TICAM2: variants seen among roughly 807,000 people sequenced by gnomAD.
The protein encoded by TICAM2 is TIR domain containing adaptor molecule 2.
A neutral mutation model predicts 7.3 loss-of-function variants in TICAM2; 8 were observed. That is an observed-to-expected ratio of 1.10 (90% CI 0.65 to 1.99). The LOEUF (loss-of-function observed/expected upper bound fraction) is 1.99, where lower values mean the gene tolerates loss of function less well. Ranked by LOEUF, TICAM2 falls within the 30% of genes most tolerant of loss-of-function variation. TICAM2 has a pLI of 0.00. For missense variants in TICAM2, 304 were observed against 278.8 expected (o/e 1.09, Z -0.65); for synonymous variants, 113 against 99.6 (o/e 1.13, Z -0.80).
chr5:115,587,682 G>A (rs1026721727), intron 1 of TICAM2, among the ~76,000 whole-genome samples: 3 of 152,172 alleles, frequency 2.0e-5, no homozygotes, highest in African/African-American at 7.2e-5. Context: ...AATATAATCA[G>A]GATGGAGTGG....
Position 115,581,017 on chromosome 5 carries a change from T to C in TICAM2, c.240A>G (p.Lys80=), listed in dbSNP as rs537369804. 52 of 1,614,110 alleles carry C rather than the reference T, an allele frequency of 3.2e-5. No homozygotes were observed. The South Asian group carries it at 4.7e-4, about 15-fold the overall frequency. ...EEEAEEEVFL[K]FVILHAEDDT... ...CATCTTCTGCATGCAATATCACAAATTTGAGGAACACCTCTTCTTCAGCTT... is the reference window on the plus strand; with the variant it reads ...CATCTTCTGCATGCAATATCACAAACTTGAGGAACACCTCTTCTTCAGCTT... The change falls in exon 2 of 2, where the codon AAA becomes AAG. Residue 80 remains lysine (K), a synonymous_variant. Coordinates refer to ENST00000427199, the MANE Select transcript of TICAM2 (RefSeq NM_021649.7).
At chr5:115,587,152 TAA>T (rs1285649083) in intron 1 of TICAM2, among the ~76,000 whole-genome samples, 2 of 152,114 alleles carry the variant, frequency 1.3e-5, no homozygotes, top group African/African-American at 2.4e-5. Flanking sequence ...TAAAGTAGAT[TAA>T]AAGAGGTTCC....
intron 1 of TICAM2, among the ~76,000 whole-genome samples, chr5:115,590,156 T>C (rs1190506488): frequency 6.6e-6 from 1 of 152,120 alleles, no homozygotes; most frequent in Admixed American, 6.6e-5. Flanking sequence ...GAGACCAGCC[T>C]GGGCAACAAA....
chr5:115,579,186 T>C lies in TICAM2; in HGVS notation c.*1363A>G, dbSNP rs1458989214. 2 of 152,646 alleles carry C rather than the reference T, an allele frequency of 1.3e-5. No individual in the cohort carries two copies. Among genetic ancestry groups the C allele is most frequent in the Admixed American group, 6.5e-5 (1 of 15,278 alleles). 9.5% of individuals were successfully genotyped at this position (152,646 alleles called of 1,614,324 possible). On this transcript the variant is annotated 3_prime_UTR_variant, in exon 2 of 2. Coordinates refer to ENST00000427199, the MANE Select transcript of TICAM2 (RefSeq NM_021649.7). The stretch of plus-strand genomic sequence containing the variant: ...TGCTGTCAATATACAAAAAATATCT[T>C]TTCATTATAAGCATATATAAAGCCT...
chr5:115,593,820 A>G (rs1238560838), intron 1 of TICAM2, among the ~76,000 whole-genome samples: 1 of 152,226 alleles, frequency 6.6e-6, no homozygotes, highest in Non-Finnish European at 1.5e-5. Context: ...AATGTTAGAC[A>G]AATTGCTAAA....
chr5:115,596,085 G>C (rs1021564883), intron 1 of TICAM2, among the ~76,000 whole-genome samples: 4 of 152,076 alleles, frequency 2.6e-5, no homozygotes, highest in African/African-American at 7.2e-5. Context: ...GGGTATCCTT[G>C]ATACCTTCCT....
At chr5:115,594,787 A>C (rs1256803159) in intron 1 of TICAM2, among the ~76,000 whole-genome samples, 1 of 152,256 alleles carries the variant, frequency 6.6e-6, no homozygotes, top group East Asian at 1.9e-4. Context: ...ATCCTTTGGC[A>C]TTAAGAAGGC....
At chr5:115,581,376 ACTTT>A in intron 1 of TICAM2, 61 bp from the exon 2 acceptor site, 2 of 1,491,550 alleles carry the variant, frequency 1.3e-6, no homozygotes, top group Non-Finnish European at 1.8e-6. Flanking sequence ...AAAAATGGAA[ACTTT>A]CATTCAAACT....
rs149579601 is a variant in TICAM2, at chr5:115,581,058, C to A, written c.199G>T (p.Glu67Ter). ...GKQEGAQSVE[E>*]MFEEEAEEEV... ...TCTTCAGCTTCTTCTTCAAACATCT[C>A]TTCCACGCTCTGAGCTCCCTCCTGC... Residue 67 changes from glutamate to a stop codon, truncating the protein, a stop_gained, in exon 2 of 2, where the codon GAG becomes TAG. Transcript: ENST00000427199. LOFTEE classifies it high-confidence loss of function. 423 of 1,614,050 alleles carry A rather than the reference C, an allele frequency of 2.6e-4. No individual in the cohort carries two copies. Among genetic ancestry groups the A allele is most frequent in the Non-Finnish European group, 3.4e-4 (402 of 1,180,044 alleles).
intron 1 of TICAM2, among the ~76,000 whole-genome samples, chr5:115,595,888 A>G (rs1042077786): frequency 2.0e-5 from 3 of 152,156 alleles, no homozygotes; most frequent in African/African-American, 4.8e-5. Context: ...TTTATCTCCA[A>G]GTTGAATTAA....
rs1209521113 is a variant in TICAM2 at position 115,581,209 on chromosome 5, A to G, written c.48T>C (p.Ser16=). Residue 16 remains serine, a synonymous_variant, in exon 2 of 2, where the codon TCT becomes TCC. Coordinates refer to ENST00000427199, the MANE Select transcript of TICAM2 (RefSeq NM_021649.7). ...TATCCACACTGTGCCTTTTACCCCA[A>G]GAGAGAGAAAGAGGGCAGGAATTTA... ...SKINSCPLSL[S]WGKRHSVDTS... The G allele has an allele frequency of 2.5e-6, 4 of 1,612,096 alleles. No individual in the cohort carries two copies. In the South Asian group the frequency reaches 4.4e-5, roughly 18 times the overall value.
rs1436790160 is a variant in TICAM2 at position 115,579,908 on chromosome 5, C to A, written c.*641G>T. ...CACCACTCCACGAAGTCCCTAACTA[C>A]CACACTATCAAATGGGCTGTGAATC... On this transcript the variant is annotated 3_prime_UTR_variant, in exon 2 of 2. Transcript: ENST00000427199. 2 of 152,212 alleles carry A rather than the reference C, an allele frequency of 1.3e-5. No homozygotes were observed. The highest frequency in any genetic ancestry group is 2.4e-5 in the African/African-American group (1 of 41,446). The allele number at this position is 152,212 out of a possible 1,614,324, so 9.4% of individuals were successfully genotyped here. A position where few individuals can be genotyped will look rare whatever the true frequency, so the allele number is the denominator to read the frequency against.
rs776510684 is a variant in TICAM2, at chr5:115,581,180, C to T, written c.77G>A (p.Ser26Asn). 1.9e-6 allele frequency: 3 copies of T among 1,613,640 alleles called. No homozygotes were observed. Among genetic ancestry groups the T allele is most frequent in the South Asian group, 1.1e-5 (1 of 91,022 alleles). ...GGAATCTGACTCATGATATCCTGGA[C>T]TTGTATCCACACTGTGCCTTTTACC... ...SWGKRHSVDTSPGYHESDSKK... is the reference protein window; with the variant it reads ...SWGKRHSVDTNPGYHESDSKK... Residue 26 changes from serine (S) to asparagine (N), a missense_variant, in exon 2 of 2, where the codon AGT becomes AAT. Physicochemically the swap from Ser to Asn is conservative, Grantham distance 46 (BLOSUM62 1). Coordinates refer to ENST00000427199, the MANE Select transcript of TICAM2 (RefSeq NM_021649.7).
At chr5:115,596,713 A>G (rs1233113242) in intron 1 of TICAM2, among the ~76,000 whole-genome samples, 1 of 152,126 alleles carries the variant, frequency 6.6e-6, no homozygotes, top group Non-Finnish European at 1.5e-5. Flanking sequence ...AGGTCAGGAG[A>G]TCAAGACCAT....
chr5:115,585,053 C>A (rs898856293), intron 1 of TICAM2, among the ~76,000 whole-genome samples: 14 of 152,128 alleles, frequency 9.2e-5, no homozygotes, highest in African/African-American at 2.4e-4. Context: ...AATCAGACTG[C>A]CTGAGTGTAA....
intron 1 of TICAM2, among the ~76,000 whole-genome samples, chr5:115,587,661 CTG>C (rs1434502092): frequency 6.6e-6 from 1 of 152,132 alleles, no homozygotes; most frequent in East Asian, 1.9e-4. Context: ...GTGTCATTCA[CTG>C]AGAAAAGCAA....
chr5:115,593,686 T>C (rs1207211516), intron 1 of TICAM2, among the ~76,000 whole-genome samples: 22 of 152,210 alleles, frequency 1.4e-4, no homozygotes, highest in Admixed American at 1.4e-3. Flanking sequence ...TTCCAGAATT[T>C]CTATGGAAAT....
chr5:115,588,602 G>A (rs1018374111), intron 1 of TICAM2, among the ~76,000 whole-genome samples: 1 of 152,184 alleles, frequency 6.6e-6, no homozygotes, highest in Non-Finnish European at 1.5e-5. Flanking sequence ...ATTGTTCATC[G>A]AAAACTTATT....
chr5:115,579,301 AC>A lies in TICAM2; in HGVS notation c.*1247del. ...CTAGTTTTTCACATCCTCATAGAGG[AC>A]AAAAGCCTTTAGAGATCCATCAATT... On this transcript the variant is annotated 3_prime_UTR_variant, in exon 2 of 2. Transcript: ENST00000427199. 1 of 152,630 alleles carries A rather than the reference AC, an allele frequency of 6.6e-6. No individual in the cohort carries two copies. The highest frequency in any genetic ancestry group is 1.5e-5 in the Non-Finnish European group (1 of 68,044). 9.5% of individuals were successfully genotyped at this position (152,630 alleles called of 1,614,324 possible).
Sources: gnomAD v4.1 joint callset for allele counts (sites outside exome capture counted in the v4.1 genomes callset) on GRCh38, gnomAD v4.1.1 for gene constraint, MANE v1.5 for transcripts, NCBI Gene and HGNC (gene_info 2026-07-23, HGNC 2026-07-21) for gene names.